TDRD3: variants seen among roughly 807,000 people sequenced by gnomAD.
TDRD3 encodes tudor domain-containing protein 3.
In TDRD3, 45 loss-of-function variants were observed where a neutral mutation model predicts 86.7. The observed-to-expected ratio is 0.52, with a 90% CI of 0.41 to 0.67. The LOEUF is 0.67. TDRD3 is among the 30% of genes least tolerant of loss of function. The pLI, the probability that TDRD3 is intolerant of heterozygous loss-of-function variation, is 0.00. For synonymous variants in TDRD3, 298 were observed against 301.7 expected, an observed-to-expected ratio of 0.99 and a Z score of 0.13; for missense variants, 814 against 889.0, an observed-to-expected ratio of 0.92 and a Z score of 1.07.
At chr13:60,469,740 A>G (rs913558836) in intron 5 of TDRD3, among the ~76,000 whole-genome samples, 1 of 152,188 alleles carries the variant, frequency 6.6e-6, no homozygotes, top group African/African-American at 2.4e-5. Context: ...GAAGTGAAGA[A>G]GCACTAAGCA....
chr13:60,442,168 T>A (rs1465558234), intron 2 of TDRD3, among the ~76,000 whole-genome samples: 1 of 152,142 alleles, frequency 6.6e-6, no homozygotes, highest in Non-Finnish European at 1.5e-5. Flanking sequence ...GACATTGAAA[T>A]CCAGCATGTA....
intron 11 of TDRD3, 27 bp from the exon 12 acceptor site, chr13:60,535,081 T>C: frequency 3.7e-6 from 6 of 1,612,008 alleles, no homozygotes; most frequent in Non-Finnish European, 5.1e-6. Context: ...CCAGTTGTCA[T>C]ATTTAAAACT....
intron 5 of TDRD3, among the ~76,000 whole-genome samples, chr13:60,478,952 C>T (rs1333678775): frequency 6.6e-6 from 1 of 151,776 alleles, no homozygotes; most frequent in Non-Finnish European, 1.5e-5. Context: ...TACAGGCACA[C>T]ACCACCATGC....
chr13:60,509,709 A>G, intron 8 of TDRD3, 54 bp from the exon 9 acceptor site: 1 of 1,606,580 alleles, frequency 6.2e-7, no homozygotes, highest in Non-Finnish European at 8.5e-7. Context: ...TTAAAAGTTT[A>G]TGCCTTGCCT....
chr13:60,483,839 T>C lies in TDRD3; in HGVS notation c.560T>C (p.Phe187Ser). The part of the protein sequence containing the change: ...TEGGPPPFVP[F>S]GQKCVSHVQV... ...GGTGGACCACCGCCTTTTGTGCCTT[T>C]TGGACAGGTAATGACTTTTGTGTTG... Residue 187 changes from phenylalanine (F) to serine (S), a missense_variant, in exon 6 of 14, where the codon TTT (phenylalanine) becomes TCT (serine). Coordinates refer to ENST00000377881, the MANE Select transcript of TDRD3 (RefSeq NM_001146070.2). 6.2e-7 allele frequency: 1 copy of C among 1,613,172 alleles called. No homozygotes were observed. Among genetic ancestry groups the C allele is most frequent in the South Asian group, 1.1e-5 (1 of 90,944 alleles).
chr13:60,448,217 T>C (rs1003450802), intron 3 of TDRD3, among the ~76,000 whole-genome samples: 1 of 152,056 alleles, frequency 6.6e-6, no homozygotes, highest in Admixed American at 6.6e-5. Flanking sequence ...GTAAGAAAGA[T>C]TGTAAGTCTG....
chr13:60,451,724 A>G (rs570570848), intron 3 of TDRD3, among the ~76,000 whole-genome samples: 7 of 152,280 alleles, frequency 4.6e-5, no homozygotes, highest in Non-Finnish European at 5.9e-5. Flanking sequence ...CAACTATGTT[A>G]CCTTCAGTAT....
At chr13:60,414,881 C>T (rs1954457842) in intron 1 of TDRD3, among the ~76,000 whole-genome samples, 1 of 151,784 alleles carries the variant, frequency 6.6e-6, no homozygotes, top group Non-Finnish European at 1.5e-5. Flanking sequence ...AGACAACAGA[C>T]AGTGGTTTTT....
At chr13:60,464,366 T>C (rs905020803) in intron 4 of TDRD3, among the ~76,000 whole-genome samples, 3 of 151,876 alleles carry the variant, frequency 2.0e-5, no homozygotes, top group African/African-American at 7.3e-5. Context: ...AAACTAAAAA[T>C]AGAAATACCA....
At chr13:60,397,688 G>C (rs1953966094) in intron 1 of TDRD3, among the ~76,000 whole-genome samples, 1 of 149,110 alleles carries the variant, frequency 6.7e-6, no homozygotes, top group Admixed American at 6.7e-5. Flanking sequence ...CGGGGGCCGC[G>C]AGCCGGGCGG....
At chr13:60,410,233 C>T (rs1433934451) in intron 1 of TDRD3, among the ~76,000 whole-genome samples, 1 of 151,932 alleles carries the variant, frequency 6.6e-6, no homozygotes, top group East Asian at 1.9e-4. Context: ...TGAAAATGGT[C>T]TAGTATATTC....
intron 13 of TDRD3, among the ~76,000 whole-genome samples, chr13:60,568,902 G>C (rs1958521869): frequency 6.6e-6 from 1 of 152,124 alleles, no homozygotes; most frequent in African/African-American, 2.4e-5. Context: ...AAAGTTGCAG[G>C]ATACAAAATC....
intron 8 of TDRD3, among the ~76,000 whole-genome samples, chr13:60,505,202 G>A (rs1595037210): frequency 6.6e-6 from 1 of 152,244 alleles, no homozygotes; most frequent in South Asian, 2.1e-4. Flanking sequence ...TGAAATTCTC[G>A]CTGCCAGCAC....
At chr13:60,469,843 C>A (rs897033261) in intron 5 of TDRD3, among the ~76,000 whole-genome samples, 1 of 152,136 alleles carries the variant, frequency 6.6e-6, no homozygotes, top group African/African-American at 2.4e-5. Context: ...TTAGTGCCCC[C>A]AAACTGTAGA....
Position 60,444,696 on chromosome 13 carries a change from C to A in TDRD3, c.140C>A (p.Thr47Lys), listed in dbSNP as rs1260584385. ...TTTTTATTTTAGACAGATCTGAGAA[C>A]AATTGGCAAGAAATTCCTCCCCAGT... The part of the protein sequence containing the change: ...ILIALNTDLR[T>K]IGKKFLPSDI... Residue 47 changes from threonine to lysine, a missense_variant, in exon 3 of 14, where the codon ACA becomes AAA. By Grantham distance (78) the Thr-to-Lys change is moderately conservative. Transcript: ENST00000377881. 1.0e-5 allele frequency: 15 copies of A among 1,469,480 alleles called. No homozygotes were observed. The Admixed American group carries it at 2.7e-4, about 26-fold the overall frequency. The allele number at this position is 1,469,480 out of a possible 1,614,324, so 91.0% of individuals were successfully genotyped here.
At position 60,439,672 on chromosome 13, in the gene TDRD3, T is replaced by C; in HGVS notation, c.42-16T>C. 3.3e-6 allele frequency: 5 copies of C among 1,520,068 alleles called. No homozygotes were observed. Among genetic ancestry groups the C allele is most frequent in the Non-Finnish European group, 4.4e-6 (5 of 1,133,274 alleles). 94.2% of individuals were successfully genotyped at this position (1,520,068 alleles called of 1,614,324 possible). A position where few individuals can be genotyped will look rare whatever the true frequency, so the allele number is the denominator to read the frequency against. The stretch of plus-strand genomic sequence containing the variant: ...TGATTTTAGATAATATTAAGCCATT[T>C]ATTTTATTTTAACAGGTATCTTTCA... On this transcript the variant is annotated splice_polypyrimidine_tract_variant and intron_variant, in intron 1 of 13. Coordinates refer to ENST00000377881, the MANE Select transcript of TDRD3 (RefSeq NM_001146070.2).
At chr13:60,461,228 G>A (rs1003147369) in intron 4 of TDRD3, among the ~76,000 whole-genome samples, 5 of 152,080 alleles carry the variant, frequency 3.3e-5, no homozygotes, top group African/African-American at 9.7e-5. Flanking sequence ...TAATGTTCTT[G>A]CAGAGTTTTA....
chr13:60,431,703 C>CAA (rs67787868), intron 1 of TDRD3, among the ~76,000 whole-genome samples: 704 of 62,704 alleles, frequency 0.011, 14 homozygotes, highest in East Asian at 0.016. Context: ...CTATCTTTAC[C>CAA]AAAAAAAAAA....
At chr13:60,517,415 A>G (rs894176411) in intron 10 of TDRD3, among the ~76,000 whole-genome samples, 12 of 152,190 alleles carry the variant, frequency 7.9e-5, no homozygotes, top group African/African-American at 2.7e-4. Flanking sequence ...ATTGACTATT[A>G]TGTATATTTA....
Sources: allele counts gnomAD v4.1 joint callset (sites outside exome capture counted in the v4.1 genomes callset), GRCh38; gene constraint gnomAD v4.1.1; transcripts MANE v1.5; gene names NCBI Gene and HGNC (gene_info 2026-07-23, HGNC 2026-07-21).